The following CDYL2 variants were observed in gnomAD, a reference collection of about 807,000 sequenced individuals.
CDYL2 encodes the protein chromodomain Y like 2.
A neutral mutation model predicts 49.4 loss-of-function variants in CDYL2; 23 were observed. The ratio of observed to expected loss-of-function variants is 0.47; its 90% confidence interval spans 0.34 to 0.66. The LOEUF (loss-of-function observed/expected upper bound fraction) is 0.66, where lower values mean the gene tolerates loss of function less well. Among genes scored for constraint, CDYL2 ranks in the 30% least tolerant of loss-of-function variants. The pLI is 0.01. For synonymous variants in CDYL2, 360 were observed against 268.8 expected (o/e 1.34, Z -3.32); for missense variants, 678 against 656.4 (o/e 1.03, Z -0.36).
At chr16:80,661,699 T>A (rs779305707) in intron 2 of CDYL2, among the ~76,000 whole-genome samples, 1 of 152,192 alleles carries the variant, frequency 6.6e-6, no homozygotes, top group African/African-American at 2.4e-5. Flanking sequence ...CAGAGCCTAG[T>A]CTTTGCTGAA....
intron 1 of CDYL2, among the ~76,000 whole-genome samples, chr16:80,752,458 T>C (rs900976202): frequency 3.3e-5 from 5 of 152,158 alleles, no homozygotes; most frequent in Middle Eastern, 3.4e-3. Context: ...AGAAACACCA[T>C]AATAAAACTT....
chr16:80,804,194 T>C lies in CDYL2; in HGVS notation c.-21A>G. ...GCCATGCCAGGCTGCGGAACTTGGC[T>C]CGCCGGTGTGCGCGTCTGCTCGCTC... On this transcript the variant is annotated 5_prime_UTR_variant, in exon 1 of 7. Transcript: ENST00000570137. 1 of 1,329,468 alleles carries C rather than the reference T, an allele frequency of 7.5e-7. No individual in the cohort carries two copies. The highest frequency in any genetic ancestry group is 1.6e-5 in the African/African-American group (1 of 63,320). 82.4% of individuals were successfully genotyped at this position (1,329,468 alleles called of 1,614,324 possible). A position where few individuals can be genotyped will look rare whatever the true frequency, so the allele number is the denominator to read the frequency against.
chr16:80,759,189 A>G (rs1906443781), intron 1 of CDYL2, among the ~76,000 whole-genome samples: 1 of 145,388 alleles, frequency 6.9e-6, no homozygotes, highest in Non-Finnish European at 1.5e-5. Context: ...GTGTATATAT[A>G]TATATAATTT....
chr16:80,779,859 TTA>T (rs1262409855), intron 1 of CDYL2, among the ~76,000 whole-genome samples: 6 of 152,160 alleles, frequency 3.9e-5, no homozygotes, highest in Non-Finnish European at 8.8e-5. Context: ...AATTAACAAA[TTA>T]TGAGTAAAAT....
chr16:80,616,692 A>G (rs1906841383), intron 4 of CDYL2, among the ~76,000 whole-genome samples: 1 of 151,738 alleles, frequency 6.6e-6, no homozygotes, highest in Non-Finnish European at 1.5e-5. Context: ...CCAGGCGCCC[A>G]CTCCCTGGTC....
chr16:80,773,376 G>A (rs571950877), intron 1 of CDYL2, among the ~76,000 whole-genome samples: 5 of 152,042 alleles, frequency 3.3e-5, no homozygotes, highest in South Asian at 2.1e-4. Context: ...TTCCATAATC[G>A]GAACAGAGAT....
At chr16:80,783,288 A>T (rs1907331285) in intron 1 of CDYL2, among the ~76,000 whole-genome samples, 1 of 152,204 alleles carries the variant, frequency 6.6e-6, no homozygotes, top group Non-Finnish European at 1.5e-5. Flanking sequence ...TTAGTCACTT[A>T]GGGAAATGCA....
intron 4 of CDYL2, among the ~76,000 whole-genome samples, chr16:80,617,537 G>T (rs79551682): frequency 0.042 from 6,396 of 152,246 alleles, 450 homozygotes; most frequent in African/African-American, 0.14. Context: ...TGTGCAGAAT[G>T]CTTCACTGCC....
At chr16:80,683,970 CTAA>C (rs1910071075) in intron 2 of CDYL2, among the ~76,000 whole-genome samples, 1 of 152,178 alleles carries the variant, frequency 6.6e-6, no homozygotes, top group African/African-American at 2.4e-5. Flanking sequence ...AAGACAGGAC[CTAA>C]TATAGGTCAA....
intron 2 of CDYL2, among the ~76,000 whole-genome samples, chr16:80,681,520 T>C (rs759222847): frequency 5.9e-5 from 9 of 152,202 alleles, no homozygotes; most frequent in Non-Finnish European, 1.3e-4. Context: ...TCTTGGGTCT[T>C]GTCCAGGAAC....
At chr16:80,773,271 T>G (rs968824254) in intron 1 of CDYL2, among the ~76,000 whole-genome samples, 10 of 152,162 alleles carry the variant, frequency 6.6e-5, no homozygotes, top group African/African-American at 2.4e-4. Context: ...TAATTGTGTA[T>G]GCACTTAATA....
intron 1 of CDYL2, among the ~76,000 whole-genome samples, chr16:80,687,566 C>A (rs565422535): frequency 4.6e-5 from 7 of 151,708 alleles, no homozygotes; most frequent in East Asian, 1.9e-4. Context: ...GGCTGGCTGG[C>A]TGGCTGGATG....
intron 1 of CDYL2, among the ~76,000 whole-genome samples, chr16:80,716,030 T>C (rs1340218240): frequency 1.3e-5 from 2 of 152,238 alleles, no homozygotes. Flanking sequence ...CAGTTCCTCA[T>C]GGGGATGATA....
upstream of CDYL2, among the ~76,000 whole-genome samples, chr16:80,804,925 G>A (rs1440388519): frequency 3.3e-5 from 5 of 152,044 alleles, no homozygotes; most frequent in Non-Finnish European, 7.4e-5. Flanking sequence ...CGAGGGGAGT[G>A]GACGCCGCCT....
chr16:80,705,498 C>T (rs1296881066), intron 1 of CDYL2, among the ~76,000 whole-genome samples: 1 of 152,248 alleles, frequency 6.6e-6, no homozygotes, highest in Non-Finnish European at 1.5e-5. Flanking sequence ...TTTAGCCCAG[C>T]TGTAGAAGGC....
intron 1 of CDYL2, among the ~76,000 whole-genome samples, chr16:80,689,324 T>G (rs1328810335): frequency 1.3e-5 from 2 of 152,186 alleles, no homozygotes; most frequent in African/African-American, 2.4e-5. Context: ...CTCAGTAGGA[T>G]TAATACTGAT....
intron 4 of CDYL2, among the ~76,000 whole-genome samples, chr16:80,620,476 C>T (rs995295350): frequency 2.6e-5 from 4 of 152,108 alleles, no homozygotes; most frequent in African/African-American, 4.8e-5. Flanking sequence ...AAAATCTTTC[C>T]GATCAAAAGA....
intron 1 of CDYL2, among the ~76,000 whole-genome samples, chr16:80,695,781 G>T (rs964632401): frequency 6.6e-6 from 1 of 152,040 alleles, no homozygotes; most frequent in African/African-American, 2.4e-5. Flanking sequence ...CTAAAAGGAG[G>T]GAAAGACCTC....
chr16:80,757,986 G>C (rs1906372274), intron 1 of CDYL2, among the ~76,000 whole-genome samples: 1 of 151,894 alleles, frequency 6.6e-6, no homozygotes, highest in African/African-American at 2.4e-5. Context: ...CGAAACACAA[G>C]AATACAAGGA....
Sources: gnomAD v4.1 joint callset for allele counts (sites outside exome capture counted in the v4.1 genomes callset) on GRCh38, gnomAD v4.1.1 for gene constraint, MANE v1.5 for transcripts, NCBI Gene and HGNC (gene_info 2026-07-23, HGNC 2026-07-21) for gene names.